Variants in TIAM1 observed in about 807,000 individuals in gnomAD.
TIAM1 encodes rho guanine nucleotide exchange factor TIAM1.
TIAM1 carries 65 observed loss-of-function variants against 163.5 expected under a neutral mutation model. That is an observed-to-expected ratio of 0.40 (90% confidence interval 0.33 to 0.49). TIAM1 has a LOEUF of 0.49. Among genes scored for constraint, TIAM1 ranks in the 20% least tolerant of loss-of-function variants. The probability of loss-of-function intolerance (pLI) is 0.77; values close to 1 mark genes in which losing one functional copy is unlikely to be tolerated. For missense variants in TIAM1, 1,789 were observed against 2,044.7 expected, an observed-to-expected ratio of 0.87 and a Z score of 2.41; for synonymous variants, 833 against 810.1, an observed-to-expected ratio of 1.03 and a Z score of -0.48.
intron 2 of TIAM1, among the ~76,000 whole-genome samples, chr21:31,358,497 C>T (rs1344053434): frequency 6.6e-6 from 1 of 152,138 alleles, no homozygotes; most frequent in Non-Finnish European, 1.5e-5. Flanking sequence ...GCACTGTGCA[C>T]GTACACCCTC....
intron 2 of TIAM1, among the ~76,000 whole-genome samples, chr21:31,409,424 T>C (rs2077306617): frequency 6.6e-6 from 1 of 152,166 alleles, no homozygotes; most frequent in African/African-American, 2.4e-5. Context: ...TCTCCTTTCT[T>C]AGATCTGACA....
intron 5 of TIAM1, among the ~76,000 whole-genome samples, chr21:31,250,495 T>A (rs1317192627): frequency 6.6e-6 from 1 of 152,222 alleles, no homozygotes; most frequent in Admixed American, 6.5e-5. Context: ...CATCACCGCA[T>A]AGGCATTTGT....
At chr21:31,133,453 T>G (rs1043458988) in intron 23 of TIAM1, among the ~76,000 whole-genome samples, 3 of 152,200 alleles carry the variant, frequency 2.0e-5, no homozygotes, top group Non-Finnish European at 4.4e-5. Flanking sequence ...TGGGCCCGCC[T>G]TCCTGGAGAC....
chr21:31,172,170 T>C (rs138629147), intron 15 of TIAM1, among the ~76,000 whole-genome samples: 1 of 152,240 alleles, frequency 6.6e-6, no homozygotes, highest in East Asian at 1.9e-4. Flanking sequence ...TCAAGGAAGC[T>C]GAGGAGAGAC....
At chr21:31,464,473 T>G (rs939687690) in intron 1 of TIAM1, among the ~76,000 whole-genome samples, 13 of 152,174 alleles carry the variant, frequency 8.5e-5, no homozygotes, top group South Asian at 2.1e-4. Context: ...CTTGAGAGGC[T>G]GAGGCTGGCA....
At position 31,414,632 on chromosome 21, in the gene TIAM1, G is replaced by A. The variant is rs548908202; in HGVS notation, c.-369+49351C>T. On this transcript the variant is annotated intron_variant, in intron 2 of 28. Coordinates refer to the TIAM1 transcript ENST00000286827. ...AACTAAAATATTAAAGAGTGTCTACGTCAGGAAGTGACATCAACCAGAACA... is the reference window on the plus strand; with the variant it reads ...AACTAAAATATTAAAGAGTGTCTACATCAGGAAGTGACATCAACCAGAACA... Among the ~76,000 whole-genome samples the A allele has an allele frequency of 2.4e-4, 37 of 152,244 alleles. 1 individual carries two copies. Among genetic ancestry groups the A allele is most frequent in the Middle Eastern group, 6.8e-3 (2 of 294 alleles).
At chr21:31,411,024 C>T (rs1397523117) in intron 2 of TIAM1, among the ~76,000 whole-genome samples, 1 of 152,096 alleles carries the variant, frequency 6.6e-6, no homozygotes, top group Non-Finnish European at 1.5e-5. Context: ...GAGTGGGCTC[C>T]TGACATTGAG....
intron 6 of TIAM1, among the ~76,000 whole-genome samples, chr21:31,228,707 A>G (rs1039508302): frequency 1.3e-5 from 2 of 152,234 alleles, no homozygotes; most frequent in African/African-American, 4.8e-5. Context: ...GTAGGATTCT[A>G]TTTATATAAA....
chr21:31,242,354 C>G (rs948569799), intron 6 of TIAM1, among the ~76,000 whole-genome samples: 3 of 151,910 alleles, frequency 2.0e-5, no homozygotes, highest in African/African-American at 7.3e-5. Context: ...ACCTCCATCT[C>G]TACAAAAAAA....
intron 1 of TIAM1, among the ~76,000 whole-genome samples, chr21:31,558,302 G>A (rs1484788432): frequency 6.6e-6 from 1 of 152,094 alleles, no homozygotes; most frequent in East Asian, 2.0e-4. Context: ...CTGCGCACCC[G>A]CAGGATTCCG....
chr21:31,279,642 A>C (rs2073456082), intron 2 of TIAM1, among the ~76,000 whole-genome samples: 1 of 152,170 alleles, frequency 6.6e-6, no homozygotes, highest in Non-Finnish European at 1.5e-5. Flanking sequence ...AAGATTCCTA[A>C]ATCATTGGGT....
At chr21:31,213,764 C>T (rs907978042) in intron 9 of TIAM1, among the ~76,000 whole-genome samples, 3 of 149,580 alleles carry the variant, frequency 2.0e-5, no homozygotes, top group African/African-American at 7.4e-5. Flanking sequence ...CATGGTGGCT[C>T]ATGCCTATAA....
Position 31,141,878 on chromosome 21 carries a change from A to ATGGC in TIAM1, c.3476-375_3476-374insGCCA, listed in dbSNP as rs1413077567. ...GGAGACTGCCCCGCCCACGCTGGCC[A>ATGGC]GTTCCTGGAGATAGTAAAAGACTTG... On this transcript the variant is annotated intron_variant, in intron 20 of 27. Transcript: ENST00000541036. This position sits in a 1 kb window ranked among gnomAD's most constrained non-coding sequence, Gnocchi z 4.7. Among the ~76,000 whole-genome samples, 1 of 152,136 alleles carries ATGGC rather than the reference A, an allele frequency of 6.6e-6. No homozygotes were observed. The highest frequency in any genetic ancestry group is 1.5e-5 in the Non-Finnish European group (1 of 68,042).
intron 1 of TIAM1, among the ~76,000 whole-genome samples, chr21:31,343,330 A>G (rs1036121919): frequency 6.6e-5 from 10 of 152,236 alleles, no homozygotes; most frequent in Admixed American, 2.6e-4. Context: ...CCTGTCTGTG[A>G]GAAGCCTCAT....
At chr21:31,320,021 A>G (rs899663130) in intron 2 of TIAM1, among the ~76,000 whole-genome samples, 9 of 152,176 alleles carry the variant, frequency 5.9e-5, no homozygotes, top group Admixed American at 3.9e-4. Flanking sequence ...ATTATTCACA[A>G]TAGCCAAAAA....
intron 19 of TIAM1, 48 bp downstream of exon 19, chr21:31,152,588 T>C: frequency 1.2e-6 from 2 of 1,604,730 alleles, no homozygotes; most frequent in Non-Finnish European, 1.7e-6. Flanking sequence ...GGATTCAACT[T>C]GAGCCACACT....
intron 1 of TIAM1, among the ~76,000 whole-genome samples, chr21:31,550,898 G>C (rs554826030): frequency 6.6e-6 from 1 of 152,296 alleles, no homozygotes; most frequent in African/African-American, 2.4e-5. Context: ...GTAATATAAA[G>C]ACTGAAGAAT....
At chr21:31,268,557 T>C (rs1217269288) in intron 3 of TIAM1, among the ~76,000 whole-genome samples, 2 of 152,202 alleles carry the variant, frequency 1.3e-5, no homozygotes, top group African/African-American at 4.8e-5. Context: ...CACCAGATGT[T>C]AAGCTGTTCC....
intron 1 of TIAM1, among the ~76,000 whole-genome samples, chr21:31,473,429 C>CAAAAAAAAAAAAA (rs56691495): frequency 1.2e-4 from 9 of 75,740 alleles, no homozygotes; most frequent in Non-Finnish European, 1.3e-4. Context: ...GACTCCATCT[C>CAAAAAAAAAAAAA]AAAAAAAAAA....
Sources: gnomAD v4.1 joint callset for allele counts (sites outside exome capture counted in the v4.1 genomes callset) on GRCh38, gnomAD v4.1.1 for gene constraint, Gnocchi (gnomAD v3.1) non-coding constraint, MANE v1.5 for transcripts, NCBI Gene and HGNC (gene_info 2026-07-23, HGNC 2026-07-21) for gene names.